MYT1L: variants seen among roughly 807,000 people sequenced by gnomAD.
MYT1L encodes myelin transcription factor 1 like.
In MYT1L, 12 loss-of-function variants were observed where a neutral mutation model predicts 126.7. That is an observed-to-expected ratio of 0.09 (90% CI 0.06 to 0.15). The LOEUF is 0.15. Ranked by LOEUF, MYT1L falls within the 10% of genes least tolerant of loss-of-function variation. The pLI is 1.00. For synonymous variants in MYT1L, 541 were observed against 604.2 expected (o/e 0.90, Z 1.53); for missense variants, 979 against 1,585.2 (o/e 0.62, Z 6.49).
At chr2:1,795,924 T>C (rs1410653606) in intron 23 of MYT1L, among the ~76,000 whole-genome samples, 1 of 152,162 alleles carries the variant, frequency 6.6e-6, no homozygotes, top group African/African-American at 2.4e-5. Flanking sequence ...GTTTCTTAGA[T>C]TGCGCAGTCT....
Position 1,979,376 on chromosome 2 carries a change from C to G in MYT1L, c.89+145G>C, listed in dbSNP as rs531936319. 1.4e-5 allele frequency: 15 copies of G among 1,110,008 alleles called. No homozygotes were observed. The African/African-American group carries it at 1.7e-4, about 13-fold the overall frequency. The allele number at this position is 1,110,008 out of a possible 1,614,324, so 68.8% of individuals were successfully genotyped here. A position where few individuals can be genotyped will look rare whatever the true frequency, so the allele number is the denominator to read the frequency against. On this transcript the variant is annotated intron_variant, in intron 7 of 24. Transcript: ENST00000647738. This position sits in a 1 kb window ranked among gnomAD's most constrained non-coding sequence, Gnocchi z 4.0. ...GGGGGAAATTCGGGGAGGCTTTTTA[C>G]GAGCAAGTCTCGGGGGAATTAATTT...
chr2:2,205,332 G>A (rs943914179), intron 2 of MYT1L, among the ~76,000 whole-genome samples: 1 of 151,958 alleles, frequency 6.6e-6, no homozygotes, highest in African/African-American at 2.4e-5. Flanking sequence ...AGTTTTTCTT[G>A]TTTTTAAATG....
intron 8 of MYT1L, among the ~76,000 whole-genome samples, chr2:1,946,769 G>T (rs1315734098): frequency 2.0e-5 from 3 of 152,028 alleles, no homozygotes; most frequent in African/African-American, 7.2e-5. Flanking sequence ...CATTTGTGAG[G>T]GGATAATCTG....
chr2:1,839,664 C>T (rs188506016), intron 20 of MYT1L, among the ~76,000 whole-genome samples: 133 of 152,296 alleles, frequency 8.7e-4, no homozygotes, highest in African/African-American at 2.8e-3. Flanking sequence ...CAAAAGACCA[C>T]GCAGGCACAT....
At chr2:1,808,279 C>CA in intron 22 of MYT1L, among the ~76,000 whole-genome samples, 1 of 152,188 alleles carries the variant, frequency 6.6e-6, no homozygotes, top group Non-Finnish European at 1.5e-5. Context: ...AGCCAACAGT[C>CA]ACAACCATGA....
At chr2:2,162,307 AAGG>A (rs547707664) in intron 3 of MYT1L, among the ~76,000 whole-genome samples, 1 of 151,138 alleles carries the variant, frequency 6.6e-6, no homozygotes, top group Non-Finnish European at 1.5e-5. Context: ...TCCACGGAGA[AAGG>A]GGTCAGGTGG....
intron 19 of MYT1L, among the ~76,000 whole-genome samples, chr2:1,847,558 T>TG (rs1476042611): frequency 9.9e-5 from 15 of 151,756 alleles, no homozygotes; most frequent in African/African-American, 3.4e-4. Flanking sequence ...GGAGAAGGCC[T>TG]GGGGGTCGGA....
chr2:2,187,194 T>A (rs1572275846), intron 2 of MYT1L, among the ~76,000 whole-genome samples: 1 of 152,194 alleles, frequency 6.6e-6, no homozygotes, highest in East Asian at 1.9e-4. Context: ...CTTTCCTAAA[T>A]CTGCCTTTGA....
chr2:2,043,573 T>C lies in MYT1L; in HGVS notation c.-158+10405A>G, dbSNP rs555760840. Among the ~76,000 whole-genome samples, 3 of 152,302 alleles carry C rather than the reference T, an allele frequency of 2.0e-5. No homozygotes were observed. The South Asian group carries it at 6.2e-4, about 32-fold the overall frequency. On this transcript the variant is annotated intron_variant, in intron 4 of 24. Transcript: ENST00000647738. ...CCTTCCATTCTTTCCTGGACACTCC[T>C]GCAAGACATCTTGAAAGAGCTGTGC...
In MYT1L at chr2:2,012,097, C is replaced by T. The variant is rs2063884827; in HGVS notation, c.-157-14750G>A. On this transcript the variant is annotated intron_variant, in intron 4 of 24. Coordinates refer to ENST00000647738, the MANE Select transcript of MYT1L (RefSeq NM_001303052.2). ...TCCATTCCTAAAGAAGCATTAAGAA[C>T]ATGTTCACACATTCATATAAAGACT... Among the ~76,000 whole-genome samples, 3 of 152,208 alleles carry T rather than the reference C, an allele frequency of 2.0e-5. 1 individual carries two copies. The East Asian group carries it at 5.8e-4, about 29-fold the overall frequency.
At chr2:1,863,093 G>A (rs1205053641) in intron 18 of MYT1L, among the ~76,000 whole-genome samples, 1 of 152,288 alleles carries the variant, frequency 6.6e-6, no homozygotes, top group Non-Finnish European at 1.5e-5. Context: ...GCACCCCATG[G>A]AGATGGTGGT....
intron 2 of MYT1L, among the ~76,000 whole-genome samples, chr2:2,275,245 T>TGTGC (rs1491327313): frequency 1.4e-5 from 2 of 148,020 alleles, no homozygotes; most frequent in African/African-American, 5.0e-5. Flanking sequence ...TGTGTGTGTG[T>TGTGC]GCATGCCTGT....
chr2:2,193,818 G>A (rs1001337471), intron 2 of MYT1L, among the ~76,000 whole-genome samples: 1 of 152,102 alleles, frequency 6.6e-6, no homozygotes, highest in Non-Finnish European at 1.5e-5. Flanking sequence ...TAGACACCTA[G>A]GGGTGAATCA....
At chr2:2,206,921 G>C (rs1244859236) in intron 2 of MYT1L, among the ~76,000 whole-genome samples, 2 of 152,212 alleles carry the variant, frequency 1.3e-5, no homozygotes, top group East Asian at 3.8e-4. Flanking sequence ...CATGCAAGAA[G>C]GCTGCATTGT....
intron 3 of MYT1L, among the ~76,000 whole-genome samples, chr2:2,158,916 C>T (rs1423716022): frequency 6.6e-6 from 1 of 152,156 alleles, no homozygotes; most frequent in Non-Finnish European, 1.5e-5. Context: ...GCTCCAGGGC[C>T]TCGTGCCATT....
chr2:1,916,937 C>A (rs1028615908), intron 11 of MYT1L, among the ~76,000 whole-genome samples: 2 of 152,194 alleles, frequency 1.3e-5, no homozygotes, highest in Non-Finnish European at 2.9e-5. Context: ...GGTCACAGAG[C>A]AGGTCAGAGC....
intron 2 of MYT1L, among the ~76,000 whole-genome samples, chr2:2,270,080 T>C (rs1404004419): frequency 1.3e-5 from 2 of 152,194 alleles, no homozygotes; most frequent in African/African-American, 2.4e-5. Context: ...GGCGTCTTCA[T>C]GAAGGGACTG....
chr2:2,072,600 T>C (rs1182201061), intron 3 of MYT1L, among the ~76,000 whole-genome samples: 1 of 152,194 alleles, frequency 6.6e-6, no homozygotes, highest in South Asian at 2.1e-4. Flanking sequence ...AAGTCTCATA[T>C]GGTTTGGCTC....
Position 1,937,923 on chromosome 2 carries a change from C to G in MYT1L, c.505+5059G>C, listed in dbSNP as rs554704129. Among the ~76,000 whole-genome samples, 214 of 152,342 alleles carry G rather than the reference C, an allele frequency of 1.4e-3. 1 individual carries two copies. The highest frequency in any genetic ancestry group is 4.9e-3 in the African/African-American group (203 of 41,568). On this transcript the variant is annotated intron_variant, in intron 9 of 24. Transcript: ENST00000647738. ...AACGCGATACAGGAAGCCAGGAAGA[C>G]TTTAGAAAAGGAAGACACCTGCGTG...
Sources: gnomAD v4.1 joint callset for allele counts (sites outside exome capture counted in the v4.1 genomes callset) on GRCh38, gnomAD v4.1.1 for gene constraint, Gnocchi (gnomAD v3.1) non-coding constraint, MANE v1.5 for transcripts, NCBI Gene and HGNC (gene_info 2026-07-23, HGNC 2026-07-21) for gene names.